Variants in FBXL17 observed in about 807,000 individuals in gnomAD.
FBXL17 encodes F-box and leucine rich repeat protein 17, also known as F-box/LRR-repeat protein 17.
Under a neutral mutation model 66.2 loss-of-function variants are expected in FBXL17, and 22 were observed. The ratio of observed to expected loss-of-function variants is 0.33; its 90% CI spans 0.24 to 0.47. The LOEUF (loss-of-function observed/expected upper bound fraction) is 0.47. Ranked by LOEUF, FBXL17 falls within the 20% of genes least tolerant of loss-of-function variation. FBXL17 has a pLI of 1.00. For synonymous variants in FBXL17, 474 were observed against 400.5 expected (o/e 1.18, Z -2.19); for missense variants, 878 against 948.2 (o/e 0.93, Z 0.97).
intron 6 of FBXL17, among the ~76,000 whole-genome samples, chr5:108,078,873 C>A (rs1748653658): frequency 6.6e-6 from 1 of 152,146 alleles, no homozygotes; most frequent in African/African-American, 2.4e-5. Flanking sequence ...TCCCTGTGTC[C>A]AGATTAATAA....
chr5:108,151,735 A>G (rs1751779852), intron 6 of FBXL17, among the ~76,000 whole-genome samples: 1 of 152,220 alleles, frequency 6.6e-6, no homozygotes, highest in African/African-American at 2.4e-5. Context: ...AAGGACACCT[A>G]TGTTTCCATT....
chr5:108,179,228 C>T (rs1167048259), intron 6 of FBXL17, among the ~76,000 whole-genome samples: 3 of 152,044 alleles, frequency 2.0e-5, no homozygotes, highest in African/African-American at 7.2e-5. Flanking sequence ...TAAATATCAC[C>T]GTTTTTTATT....
At chr5:108,021,100 G>T in intron 6 of FBXL17, 99 bp from the exon 7 acceptor site, 2 of 785,756 alleles carry the variant, frequency 2.5e-6, no homozygotes, top group Non-Finnish European at 2.2e-6. Flanking sequence ...GAATGCCACA[G>T]CTTCTTTAAT....
intron 6 of FBXL17, among the ~76,000 whole-genome samples, chr5:108,160,028 A>C (rs907766125): frequency 3.3e-5 from 5 of 151,882 alleles, no homozygotes; most frequent in African/African-American, 1.2e-4. Flanking sequence ...AAAAAATTAG[A>C]AAAACCTTAA....
chr5:108,157,450 T>C (rs1218120795), intron 6 of FBXL17, among the ~76,000 whole-genome samples: 2 of 151,936 alleles, frequency 1.3e-5, no homozygotes, highest in African/African-American at 4.8e-5. Flanking sequence ...TTCGTTTTTT[T>C]AAAGGGAAAA....
chr5:108,271,096 AAAAG>A (rs1220214575), intron 4 of FBXL17, among the ~76,000 whole-genome samples: 4 of 152,134 alleles, frequency 2.6e-5, no homozygotes, highest in Admixed American at 1.3e-4. Flanking sequence ...GCAAAAAAAA[AAAAG>A]AAATAGCAAC....
At chr5:108,131,340 G>C (rs901936346) in intron 6 of FBXL17, among the ~76,000 whole-genome samples, 9 of 152,048 alleles carry the variant, frequency 5.9e-5, no homozygotes, top group African/African-American at 2.2e-4. Context: ...TGAAAAATTT[G>C]CAACCAGCCC....
intron 6 of FBXL17, among the ~76,000 whole-genome samples, chr5:108,116,475 T>C (rs1481646658): frequency 5.4e-5 from 7 of 129,782 alleles, no homozygotes; most frequent in African/African-American, 1.9e-4. Context: ...CTGTCTCTAC[T>C]AAAAATACAA....
intron 1 of FBXL17, among the ~76,000 whole-genome samples, chr5:108,371,826 G>C (rs1749058682): frequency 6.6e-6 from 1 of 152,194 alleles, no homozygotes; most frequent in Admixed American, 6.5e-5. Flanking sequence ...GCAAGTGGAA[G>C]TGTTATATAA....
chr5:108,172,845 G>T (rs1380074027), intron 6 of FBXL17, among the ~76,000 whole-genome samples: 1 of 152,094 alleles, frequency 6.6e-6, no homozygotes, highest in Non-Finnish European at 1.5e-5. Flanking sequence ...TTGTTGCCCA[G>T]GCTGGAGTGC....
At chr5:108,154,668 T>C (rs1199528237) in intron 6 of FBXL17, among the ~76,000 whole-genome samples, 1 of 142,500 alleles carries the variant, frequency 7.0e-6, no homozygotes, top group Non-Finnish European at 1.5e-5. Context: ...TATACATATA[T>C]ATGTGTATAT....
intron 2 of FBXL17, among the ~76,000 whole-genome samples, chr5:108,366,609 G>A (rs1442449077): frequency 6.6e-6 from 1 of 151,954 alleles, no homozygotes; most frequent in Admixed American, 6.6e-5. Flanking sequence ...TTATTAGCCT[G>A]AGTTCATAAT....
At chr5:107,958,358 T>C (rs1213642391) in intron 7 of FBXL17, among the ~76,000 whole-genome samples, 1 of 152,174 alleles carries the variant, frequency 6.6e-6, no homozygotes, top group Non-Finnish European at 1.5e-5. Flanking sequence ...TGGACTAATA[T>C]AAAATCTTTA....
intron 7 of FBXL17, among the ~76,000 whole-genome samples, chr5:108,014,086 A>AT (rs1754286618): frequency 6.6e-6 from 1 of 152,072 alleles, no homozygotes. Context: ...CAAGAGTACT[A>AT]TGCAGTGAGG....
chr5:108,181,336 G>C (rs554269374), intron 6 of FBXL17, among the ~76,000 whole-genome samples: 13 of 152,060 alleles, frequency 8.5e-5, no homozygotes, highest in Admixed American at 3.9e-4. Flanking sequence ...AAAACACTTG[G>C]ATGTTATTTG....
At position 108,212,467 on chromosome 5, in the gene FBXL17, T is replaced by C. The variant is rs557334544; in HGVS notation, c.1614+11654A>G. On this transcript the variant is annotated intron_variant, in intron 5 of 8. Transcript: ENST00000542267. ...TGCTGGTTTCTCCCCATCTTTGTGATTTACCTACCTTTGCTCATTGATTTT... is the reference window on the plus strand; with the variant it reads ...TGCTGGTTTCTCCCCATCTTTGTGACTTACCTACCTTTGCTCATTGATTTT... Among the ~76,000 whole-genome samples, 4 of 152,310 alleles carry C rather than the reference T, an allele frequency of 2.6e-5. No homozygotes were observed. In the South Asian group the frequency reaches 8.3e-4, roughly 32 times the overall value.
At chr5:108,154,616 T>TATATATAC (rs1554070064) in intron 6 of FBXL17, among the ~76,000 whole-genome samples, 1 of 96,290 alleles carries the variant, frequency 1.0e-5, no homozygotes, top group East Asian at 2.9e-4. Context: ...AATATATATA[T>TATATATAC]ACACACACAC....
At chr5:107,867,274 A>C (rs114495762) in intron 8 of FBXL17, among the ~76,000 whole-genome samples, 1 of 152,314 alleles carries the variant, frequency 6.6e-6, no homozygotes, top group African/African-American at 2.4e-5. Flanking sequence ...AGAGTTTCTA[A>C]TAATTTTGCA....
intron 8 of FBXL17, among the ~76,000 whole-genome samples, chr5:107,877,792 G>A (rs563568196): frequency 6.6e-6 from 1 of 152,226 alleles, no homozygotes; most frequent in South Asian, 2.1e-4. Context: ...TTTCTTGGTG[G>A]TTAGCAGATT....
Sources: allele counts gnomAD v4.1 joint callset (sites outside exome capture counted in the v4.1 genomes callset), GRCh38; gene constraint gnomAD v4.1.1; transcripts MANE v1.5; gene names NCBI Gene and HGNC (gene_info 2026-07-23, HGNC 2026-07-21).